AGMO: variants seen among roughly 807,000 people sequenced by gnomAD.
AGMO encodes glyceryl-ether monooxygenase.
AGMO carries 75 observed loss-of-function variants against 60.2 expected under a neutral mutation model. That is an observed-to-expected ratio of 1.25 (90% CI 1.03 to 1.51). The LOEUF (loss-of-function observed/expected upper bound fraction) is 1.51. Ranked by LOEUF, AGMO falls within the 40% of genes most tolerant of loss-of-function variation. The probability of loss-of-function intolerance (pLI) is 0.00; values close to 1 mark genes in which losing one functional copy is unlikely to be tolerated. For missense variants in AGMO, 763 were observed against 525.5 expected, an observed-to-expected ratio of 1.45 and a Z score of -4.42; for synonymous variants, 261 against 177.1, an observed-to-expected ratio of 1.47 and a Z score of -3.76.
intron 5 of AGMO, among the ~76,000 whole-genome samples, chr7:15,416,559 G>C (rs1480930249): frequency 1.3e-5 from 2 of 152,070 alleles, no homozygotes; most frequent in African/African-American, 4.8e-5. Flanking sequence ...CTTAGAGTGA[G>C]AACTGATTTT....
the AGMO span, among the ~76,000 whole-genome samples, chr7:15,118,745 T>C: frequency 6.6e-6 from 1 of 152,010 alleles, no homozygotes; most frequent in African/African-American, 2.4e-5. Context: ...TTTTAAAAGC[T>C]ATTGGTCTTC....
At chr7:15,459,253 A>C (rs1782073251) in intron 3 of AGMO, among the ~76,000 whole-genome samples, 2 of 152,212 alleles carry the variant, frequency 1.3e-5, no homozygotes, top group Non-Finnish European at 2.9e-5. Context: ...GTTTTGAGTG[A>C]AAACTGTTTG....
At chr7:15,244,238 A>C (rs1283278226) in intron 12 of AGMO, among the ~76,000 whole-genome samples, 2 of 152,204 alleles carry the variant, frequency 1.3e-5, no homozygotes, top group African/African-American at 2.4e-5. Flanking sequence ...CAATGTGTCT[A>C]CCTTTGTCCA....
chr7:15,223,742 A>G (rs1446827216), intron 12 of AGMO, among the ~76,000 whole-genome samples: 1 of 151,990 alleles, frequency 6.6e-6, no homozygotes, highest in Non-Finnish European at 1.5e-5. Context: ...CTATATCTTT[A>G]TTAATACCTG....
At chr7:15,244,563 A>G (rs574051671) in intron 12 of AGMO, among the ~76,000 whole-genome samples, 1 of 152,002 alleles carries the variant, frequency 6.6e-6, no homozygotes, top group Non-Finnish European at 1.5e-5. Context: ...GGTGTACTAT[A>G]AACAGATTGA....
At chr7:15,441,021 G>A (rs372132371) in intron 3 of AGMO, among the ~76,000 whole-genome samples, 2 of 152,172 alleles carry the variant, frequency 1.3e-5, no homozygotes, top group East Asian at 3.9e-4. Context: ...CATGGGTCTG[G>A]CAATTTGTTA....
rs997970488 is a variant in AGMO, at chr7:15,362,854, C to T, written c.1263+2660G>A. 1.8e-4 allele frequency among the ~76,000 whole-genome samples: 28 copies of T among 152,190 alleles called. 1 individual carries two copies. The highest frequency in any genetic ancestry group is 6.3e-4 in the African/African-American group (26 of 41,444). On this transcript the variant is annotated intron_variant, in intron 12 of 12. Transcript: ENST00000342526. ...AAGCTACTTTTGCTATATTTTGCCA[C>T]AAGGCTTGAGGTAGATGAGTATTAT...
intron 12 of AGMO, among the ~76,000 whole-genome samples, chr7:15,223,653 A>G (rs1781987155): frequency 6.6e-6 from 1 of 152,018 alleles, no homozygotes; most frequent in African/African-American, 2.4e-5. Flanking sequence ...AAAAACTCCC[A>G]TAGAATAAGA....
chr7:15,561,841 T>C lies in AGMO; in HGVS notation c.5A>G (p.Lys2Arg). 6.2e-7 allele frequency: 1 copy of C among 1,602,426 alleles called. No homozygotes were observed. The highest frequency in any genetic ancestry group is 8.5e-7 in the Non-Finnish European group (1 of 1,173,506). ...AACATCCTGCTGGGCTTCTGGGTTC[T>C]TCATTTCTGCCCTTGTCTGATTCCC... M[K>R]NPEAQQDVSV... The change falls in exon 1 of 13, where the codon AAG (lysine) becomes AGG (arginine). Residue 2 changes from lysine to arginine, a missense_variant. Transcript: ENST00000342526.
At chr7:15,411,012 T>C (rs1164132825) in intron 5 of AGMO, among the ~76,000 whole-genome samples, 1 of 152,042 alleles carries the variant, frequency 6.6e-6, no homozygotes, top group Non-Finnish European at 1.5e-5. Context: ...ATCTTTAAGA[T>C]GTGATTAGGT....
chr7:15,450,584 C>T (rs1781832213), intron 3 of AGMO, among the ~76,000 whole-genome samples: 1 of 152,076 alleles, frequency 6.6e-6, no homozygotes, highest in African/African-American at 2.4e-5. Flanking sequence ...CTTTGTAGTT[C>T]AGAGAAATAT....
intron 12 of AGMO, among the ~76,000 whole-genome samples, chr7:15,235,591 C>A (rs913096257): frequency 6.6e-6 from 1 of 151,944 alleles, no homozygotes; most frequent in African/African-American, 2.4e-5. Context: ...AGAAATAGGC[C>A]GTTCTGATTC....
chr7:15,255,534 CAA>C (rs60035165), intron 12 of AGMO, among the ~76,000 whole-genome samples: 4 of 115,822 alleles, frequency 3.5e-5, no homozygotes, highest in Admixed American at 1.8e-4. Context: ...TGTAAGAATA[CAA>C]AAAAAAAAAA....
At position 15,342,023 on chromosome 7, in the gene AGMO, A is replaced by G. The variant is rs373731632; in HGVS notation, c.1263+23491T>C. Among the ~76,000 whole-genome samples the G allele has an allele frequency of 3.2e-4, 48 of 152,132 alleles. 1 individual carries two copies. In the South Asian group the frequency reaches 7.9e-3, roughly 25 times the overall value. Reference sequence around the variant, plus strand: ...ATTTGGGTGGAGACACAGCCAAAGCATATCTGTATCTCGCCATGAATGCTC... The same window carrying G: ...ATTTGGGTGGAGACACAGCCAAAGCGTATCTGTATCTCGCCATGAATGCTC... On this transcript the variant is annotated intron_variant, in intron 12 of 12. Coordinates refer to ENST00000342526, the MANE Select transcript of AGMO (RefSeq NM_001004320.2).
chr7:15,350,777 G>C lies in AGMO; in HGVS notation c.1263+14737C>G, dbSNP rs553266529. ...ATAGGGAAGTAAATTCCAGAATATTGTTAAAGGCTGTGTATAGTTTCATTA... is the reference window on the plus strand; with the variant it reads ...ATAGGGAAGTAAATTCCAGAATATTCTTAAAGGCTGTGTATAGTTTCATTA... On this transcript the variant is annotated intron_variant, in intron 12 of 12. Transcript: ENST00000342526. Among the ~76,000 whole-genome samples the C allele has an allele frequency of 7.9e-5, 12 of 152,232 alleles. No individual in the cohort carries two copies. In the South Asian group the frequency reaches 2.5e-3, roughly 32 times the overall value.
intron 12 of AGMO, among the ~76,000 whole-genome samples, chr7:15,206,544 C>T (rs760089345): frequency 6.6e-6 from 1 of 151,886 alleles, no homozygotes; most frequent in Non-Finnish European, 1.5e-5. Context: ...TTAAATCAAA[C>T]AGTATTACAT....
intron 3 of AGMO, among the ~76,000 whole-genome samples, chr7:15,432,604 CAT>C (rs1416852675): frequency 9.9e-5 from 15 of 151,506 alleles, no homozygotes. Flanking sequence ...TTATTAAAGT[CAT>C]ATATTTTTCA....
At chr7:15,308,952 T>C (rs186132989) in intron 12 of AGMO, among the ~76,000 whole-genome samples, 140 of 152,310 alleles carry the variant, frequency 9.2e-4, no homozygotes, top group Non-Finnish European at 1.7e-3. Flanking sequence ...ATGGAGTGAT[T>C]TGGTTTGAAT....
At chr7:15,352,638 G>A (rs139264591) in intron 12 of AGMO, among the ~76,000 whole-genome samples, 1 of 152,012 alleles carries the variant, frequency 6.6e-6, no homozygotes, top group Non-Finnish European at 1.5e-5. Context: ...GCCTTGAGTT[G>A]ATGGTAGGGA....
Sources: gnomAD v4.1 joint callset for allele counts (sites outside exome capture counted in the v4.1 genomes callset) on GRCh38, gnomAD v4.1.1 for gene constraint, MANE v1.5 for transcripts, NCBI Gene and HGNC (gene_info 2026-07-23, HGNC 2026-07-21) for gene names.